TENM2: variants seen among roughly 807,000 people sequenced by gnomAD.
TENM2 encodes teneurin transmembrane protein 2.
Under a neutral mutation model 245.2 loss-of-function variants are expected in TENM2, and 52 were observed. That is an observed-to-expected ratio of 0.21 (90% CI 0.17 to 0.27). TENM2 has a LOEUF of 0.27. TENM2 is among the 10% of genes least tolerant of loss of function. The pLI, the probability that TENM2 is intolerant of heterozygous loss-of-function variation, is 1.00. For synonymous variants in TENM2, 1,363 were observed against 1,438.9 expected (o/e 0.95, Z 1.19); for missense variants, 3,046 against 3,666.8 (o/e 0.83, Z 4.37).
intron 3 of TENM2, among the ~76,000 whole-genome samples, chr5:167,888,851 T>A (rs780042716): frequency 7.9e-5 from 12 of 152,228 alleles, no homozygotes; most frequent in Non-Finnish European, 1.5e-4. Flanking sequence ...AGGGGGCACA[T>A]GCATTCTTGA....
At chr5:167,803,925 G>A (rs558548004) in intron 2 of TENM2, among the ~76,000 whole-genome samples, 85 of 152,014 alleles carry the variant, frequency 5.6e-4, no homozygotes, top group Non-Finnish European at 9.4e-4. Context: ...ATTTAAAATT[G>A]GCTGATATTG....
At position 167,332,049 on chromosome 5, in the gene TENM2, C is replaced by T. The variant is rs78404055; in HGVS notation, c.227-43149C>T. Among the ~76,000 whole-genome samples, 1,025 of 152,260 alleles carry T rather than the reference C, an allele frequency of 6.7e-3. 13 individuals are homozygous for T. Among genetic ancestry groups the T allele is most frequent in the African/African-American group, 0.024 (978 of 41,532 alleles). ...GATGTTTTATTTAAATAATCACCAA[C>T]GGGCAATTTGTTCAAAGTTATTTCT... On this transcript the variant is annotated intron_variant, in intron 1 of 28. Coordinates refer to ENST00000518659, the Ensembl canonical transcript of TENM2.
intron 2 of TENM2, among the ~76,000 whole-genome samples, chr5:167,828,033 C>T (rs1220278718): frequency 6.6e-6 from 1 of 152,220 alleles, no homozygotes; most frequent in African/African-American, 2.4e-5. Flanking sequence ...ATACTTTTGC[C>T]TCTACATGAC....
At chr5:167,839,548 G>A (rs781522482) in intron 2 of TENM2, among the ~76,000 whole-genome samples, 5 of 151,848 alleles carry the variant, frequency 3.3e-5, no homozygotes, top group Non-Finnish European at 7.4e-5. Flanking sequence ...AAAAGTGTGA[G>A]GTGTCTGTGT....
chr5:168,036,571 G>T (rs1231943964), intron 5 of TENM2, among the ~76,000 whole-genome samples: 1 of 150,476 alleles, frequency 6.6e-6, no homozygotes, highest in Non-Finnish European at 1.5e-5. Context: ...GGGAGGTGGA[G>T]GTTGCAGTGA....
At chr5:167,428,401 T>C (rs1289220568) in intron 2 of TENM2, among the ~76,000 whole-genome samples, 4 of 152,210 alleles carry the variant, frequency 2.6e-5, no homozygotes, top group Non-Finnish European at 5.9e-5. Context: ...CTATTGTGTT[T>C]TTTTAAAAAT....
At chr5:168,009,788 C>T (rs1359753048) in intron 5 of TENM2, among the ~76,000 whole-genome samples, 1 of 152,232 alleles carries the variant, frequency 6.6e-6, no homozygotes, top group Non-Finnish European at 1.5e-5. Context: ...TCCTAACTCT[C>T]ATCTTTCAAG....
At chr5:167,533,788 A>G (rs1386258393) in intron 2 of TENM2, among the ~76,000 whole-genome samples, 1 of 152,160 alleles carries the variant, frequency 6.6e-6, no homozygotes, top group East Asian at 1.9e-4. Flanking sequence ...GTTAAGTAAC[A>G]TAGCATGGCA....
chr5:167,590,803 T>C (rs1775825506), intron 2 of TENM2, among the ~76,000 whole-genome samples: 1 of 152,208 alleles, frequency 6.6e-6, no homozygotes, highest in South Asian at 2.1e-4. Flanking sequence ...TTTGACCCAC[T>C]TCTCTTAGAT....
chr5:168,211,666 T>C, intron 19 of TENM2, 68 bp from the exon 22 acceptor site: 1 of 1,047,174 alleles, frequency 9.5e-7, no homozygotes, highest in Admixed American at 2.8e-5. Context: ...AAATGTTATG[T>C]TTGCTTTATC....
At chr5:168,211,433 C>A (rs1762796835) in intron 19 of TENM2, among the ~76,000 whole-genome samples, 1 of 152,206 alleles carries the variant, frequency 6.6e-6, no homozygotes, top group Admixed American at 6.5e-5. Context: ...ACCTGTTTGC[C>A]ATCCCTTCCT....
At chr5:167,859,908 T>TG (rs1771560583) in intron 2 of TENM2, among the ~76,000 whole-genome samples, 2 of 8,974 alleles carry the variant, frequency 2.2e-4, no homozygotes, top group Non-Finnish European at 2.9e-4. Context: ...GGGAGGGAGG[T>TG]GGGGGGGTCG....
the TENM2 span, among the ~76,000 whole-genome samples, chr5:167,202,034 C>T: frequency 3.3e-5 from 5 of 152,178 alleles, no homozygotes; most frequent in African/African-American, 1.2e-4. Context: ...CCCCTTGTCT[C>T]ATGCAGAGCC....
At position 167,640,567 on chromosome 5, in the gene TENM2, G is replaced by A. The variant is rs1025970621; in HGVS notation, c.503-235419G>A. Reference sequence around the variant, plus strand: ...CATGACGTGGAGGTTGCAGTGAGCCGAGATCATACCACTGCACTTCAGCCT... The same window carrying A: ...CATGACGTGGAGGTTGCAGTGAGCCAAGATCATACCACTGCACTTCAGCCT... On this transcript the variant is annotated intron_variant, in intron 2 of 28. Transcript: ENST00000518659. Among the ~76,000 whole-genome samples the A allele has an allele frequency of 9.5e-5, 14 of 146,804 alleles. No homozygotes were observed. The South Asian group carries it at 1.3e-3, about 14-fold the overall frequency.
In TENM2 at chr5:167,584,855, C is replaced by T. The variant is rs188559192; in HGVS notation, c.502+209382C>T. Among the ~76,000 whole-genome samples the T allele has an allele frequency of 9.1e-4, 138 of 151,532 alleles. 1 individual carries two copies. Among genetic ancestry groups the T allele is most frequent in the African/African-American group, 3.2e-3 (131 of 40,946 alleles). ...GACTACAGGCGCCCGCCACCACGCC[C>T]GGCTAATTTTTATATTTTTAGTAGA... On this transcript the variant is annotated intron_variant, in intron 2 of 28. Coordinates refer to ENST00000518659, the Ensembl canonical transcript of TENM2.
At chr5:167,491,136 C>G in intron 2 of TENM2, among the ~76,000 whole-genome samples, 1 of 152,092 alleles carries the variant, frequency 6.6e-6, no homozygotes, top group Non-Finnish European at 1.5e-5. Context: ...GAAAGTATAT[C>G]TCTGAATTAA....
chr5:167,615,880 A>T (rs907112439), intron 2 of TENM2, among the ~76,000 whole-genome samples: 1 of 152,136 alleles, frequency 6.6e-6, no homozygotes, highest in Non-Finnish European at 1.5e-5. Context: ...TAGAAAAAAA[A>T]TCCACCTTTT....
chr5:167,639,076 C>T (rs1320607860), intron 2 of TENM2, among the ~76,000 whole-genome samples: 2 of 152,198 alleles, frequency 1.3e-5, no homozygotes, highest in African/African-American at 4.8e-5. Context: ...CTCCAATCCT[C>T]TTGCTAACCC....
chr5:168,102,813 T>C (rs10076597), intron 9 of TENM2, among the ~76,000 whole-genome samples: 72,520 of 152,066 alleles, frequency 0.48, 17,759 homozygotes, highest in South Asian at 0.68. Context: ...TCAATATGCA[T>C]CAGATATTGT....
Sources: allele counts gnomAD v4.1 joint callset (sites outside exome capture counted in the v4.1 genomes callset), GRCh38; gene constraint gnomAD v4.1.1; transcripts MANE v1.5; gene names NCBI Gene and HGNC (gene_info 2026-07-23, HGNC 2026-07-21).